ZNF804B: variants seen among roughly 807,000 people sequenced by gnomAD.
ZNF804B encodes zinc finger 804B.
A neutral mutation model predicts 101.4 loss-of-function variants in ZNF804B; 80 were observed. The observed-to-expected ratio is 0.79, with a 90% CI of 0.66 to 0.95. The LOEUF (loss-of-function observed/expected upper bound fraction) is 0.95, where lower values mean the gene tolerates loss of function less well. Ranked by LOEUF, ZNF804B falls within the 40% of genes least tolerant of loss-of-function variation. The pLI is 0.00. For missense variants in ZNF804B, 1,673 were observed against 1,561.9 expected (o/e 1.07, Z -1.20); for synonymous variants, 622 against 558.8 (o/e 1.11, Z -1.59).
At position 88,814,447 on chromosome 7, in the gene ZNF804B, AACACACACAC is replaced by A. The variant is rs66471769; in HGVS notation, c.108+54399_108+54408del. On this transcript the variant is annotated intron_variant, in intron 1 of 3. Transcript: ENST00000333190. Reference sequence around the variant, plus strand: ...AATCACTGTCTCTTACCTCCCTTCAAACACACACACACACACACACACACACACACACACA... The same window carrying A: ...AATCACTGTCTCTTACCTCCCTTCAAACACACACACACACACACACACACA... 6.6e-3 allele frequency among the ~76,000 whole-genome samples: 940 copies of A among 141,378 alleles called. 7 individuals carry two copies. Among genetic ancestry groups the A allele is most frequent in the South Asian group, 8.4e-3 (36 of 4,288 alleles). 92.7% of individuals were successfully genotyped at this position (141,378 alleles called of 152,430 possible).
chr7:89,031,565 A>G (rs1176992307), intron 1 of ZNF804B, among the ~76,000 whole-genome samples: 3 of 152,040 alleles, frequency 2.0e-5, no homozygotes, highest in African/African-American at 7.2e-5. Context: ...TGTAAATGGC[A>G]GCAAAAACAT....
chr7:88,874,424 A>G (rs931121913), intron 1 of ZNF804B, among the ~76,000 whole-genome samples: 3 of 151,972 alleles, frequency 2.0e-5, no homozygotes, highest in African/African-American at 7.2e-5. Flanking sequence ...AAACAGGGAC[A>G]ATTTGACTTC....
At chr7:89,277,623 C>T (rs371743662) in intron 2 of ZNF804B, among the ~76,000 whole-genome samples, 5 of 150,602 alleles carry the variant, frequency 3.3e-5, no homozygotes, top group African/African-American at 1.2e-4. Flanking sequence ...TCTTCCGATA[C>T]TTTACTGAGA....
chr7:89,324,833 T>C (rs563427012), intron 2 of ZNF804B, among the ~76,000 whole-genome samples: 5 of 152,002 alleles, frequency 3.3e-5, no homozygotes, highest in African/African-American at 9.6e-5. Context: ...TTGGCTATTT[T>C]TTTTTGTATT....
chr7:89,171,780 A>T (rs1441666268), intron 1 of ZNF804B, among the ~76,000 whole-genome samples: 1 of 152,030 alleles, frequency 6.6e-6, no homozygotes, highest in African/African-American at 2.4e-5. Context: ...TGGGGGATTA[A>T]TTTGTTCAAA....
intron 1 of ZNF804B, among the ~76,000 whole-genome samples, chr7:88,837,218 G>A (rs951665861): frequency 6.6e-6 from 1 of 151,764 alleles, no homozygotes; most frequent in African/African-American, 2.4e-5. Context: ...TTCATGCTTG[G>A]CTATATGGCA....
chr7:88,977,803 T>C (rs73401216), intron 1 of ZNF804B, among the ~76,000 whole-genome samples: 5,007 of 151,728 alleles, frequency 0.033, 293 homozygotes, highest in African/African-American at 0.11. Context: ...GTCTTCTAGT[T>C]CTTTAAGATG....
At chr7:88,821,888 C>G (rs1402433967) in intron 1 of ZNF804B, among the ~76,000 whole-genome samples, 2 of 152,100 alleles carry the variant, frequency 1.3e-5, no homozygotes, top group African/African-American at 2.4e-5. Context: ...ATTTGAAACA[C>G]TTTTTTACTT....
intron 1 of ZNF804B, among the ~76,000 whole-genome samples, chr7:88,760,901 AATATATATATAATAAAT>A (rs1286426790): frequency 1.5e-4 from 20 of 129,700 alleles, no homozygotes; most frequent in South Asian, 1.2e-3. Context: ...ATATATAATA[AATATATATATAATAAAT>A]ATATATATAA....
intron 1 of ZNF804B, among the ~76,000 whole-genome samples, chr7:89,043,797 A>G (rs2116252891): frequency 6.6e-6 from 1 of 152,310 alleles, no homozygotes; most frequent in East Asian, 1.9e-4. Context: ...AGAACAGTAA[A>G]GATTGTTGTT....
chr7:89,300,859 A>C (rs374185994), intron 2 of ZNF804B, among the ~76,000 whole-genome samples: 1 of 151,840 alleles, frequency 6.6e-6, no homozygotes, highest in East Asian at 1.9e-4. Flanking sequence ...TAAACAGTGG[A>C]TAGAAGTGGA....
intron 1 of ZNF804B, among the ~76,000 whole-genome samples, chr7:88,790,096 G>T (rs1343806701): frequency 1.3e-5 from 2 of 152,006 alleles, no homozygotes; most frequent in African/African-American, 2.4e-5. Flanking sequence ...TTAGAATGGT[G>T]CTGGCCACAT....
At chr7:89,031,248 C>T (rs1216459352) in intron 1 of ZNF804B, among the ~76,000 whole-genome samples, 7 of 149,690 alleles carry the variant, frequency 4.7e-5, no homozygotes, top group African/African-American at 1.7e-4. Flanking sequence ...AAAAAAAAAC[C>T]CTGCTCAGAC....
intron 1 of ZNF804B, among the ~76,000 whole-genome samples, chr7:88,922,842 T>C (rs148235600): frequency 3.1e-3 from 472 of 152,164 alleles, no homozygotes; most frequent in Middle Eastern, 6.8e-3. Flanking sequence ...AGTATAATGA[T>C]TTCAATATAT....
In ZNF804B at chr7:89,296,470, CCTT is replaced by C. The variant is rs1415174984; in HGVS notation, c.250-30871_250-30869del. Among the ~76,000 whole-genome samples the C allele has an allele frequency of 3.3e-5, 5 of 151,992 alleles. No homozygotes were observed. The South Asian group carries it at 8.3e-4, about 25-fold the overall frequency. ...AGAGAGTCTTTGGGAGGACAGAACT[CCTT>C]CTACTTTTGAGAGCCACATTTTCCC... is the stretch of plus-strand genomic sequence containing the variant. On this transcript the variant is annotated intron_variant, in intron 2 of 3. Coordinates refer to ENST00000333190, the MANE Select transcript of ZNF804B (RefSeq NM_181646.5).
chr7:88,790,707 A>C (rs1162384943), intron 1 of ZNF804B, among the ~76,000 whole-genome samples: 1 of 151,952 alleles, frequency 6.6e-6, no homozygotes, highest in Non-Finnish European at 1.5e-5. Flanking sequence ...TGGGCATTTG[A>C]GTTGATTCCA....
At chr7:88,810,143 A>AT (rs1338798855) in intron 1 of ZNF804B, among the ~76,000 whole-genome samples, 3 of 152,158 alleles carry the variant, frequency 2.0e-5, no homozygotes, top group African/African-American at 7.2e-5. Flanking sequence ...TTAGTTTGAA[A>AT]TATAATGAGT....
intron 1 of ZNF804B, among the ~76,000 whole-genome samples, chr7:89,180,875 T>G (rs1404952136): frequency 1.4e-5 from 2 of 146,788 alleles, no homozygotes; most frequent in Non-Finnish European, 3.0e-5. Context: ...TTGTGTTTAT[T>G]TAGGACACCA....
intron 2 of ZNF804B, among the ~76,000 whole-genome samples, chr7:89,290,281 T>A (rs1174687756): frequency 6.6e-6 from 1 of 152,046 alleles, no homozygotes; most frequent in Admixed American, 6.6e-5. Context: ...ACCCAGCACA[T>A]TCCAAGATCT....
Sources: allele counts gnomAD v4.1 joint callset (sites outside exome capture counted in the v4.1 genomes callset), GRCh38; gene constraint gnomAD v4.1.1; transcripts MANE v1.5; gene names NCBI Gene and HGNC (gene_info 2026-07-23, HGNC 2026-07-21).